Variants in DYSF observed in about 807,000 individuals in gnomAD.
The protein encoded by DYSF is dysferlin, also known as dystrophy-associated fer-1-like 1.
Under a neutral mutation model 274.9 loss-of-function variants are expected in DYSF, and 212 were observed. The ratio of observed to expected loss-of-function variants is 0.77; its 90% CI spans 0.69 to 0.86. The LOEUF is 0.86. DYSF is among the 40% of genes least tolerant of loss of function. DYSF has a pLI of 0.00. For synonymous variants in DYSF, 1,091 were observed against 1,078.7 expected (o/e 1.01, Z -0.22); for missense variants, 2,666 against 2,783.2 (o/e 0.96, Z 0.95).
At chr2:71,522,404 A>T (rs35222481) in intron 12 of DYSF, among the ~76,000 whole-genome samples, 120,705 of 152,058 alleles carry the variant, frequency 0.79, 49,234 homozygotes, top group African/African-American at 0.88. Flanking sequence ...CTGTTGTTAG[A>T]CTGCACCACT....
chr2:71,619,367 T>A (rs995919250), intron 40 of DYSF, among the ~76,000 whole-genome samples: 4 of 152,108 alleles, frequency 2.6e-5, no homozygotes, highest in African/African-American at 9.7e-5. Flanking sequence ...CGTATGCTTC[T>A]GGCTCTGAAC....
intron 3 of DYSF, among the ~76,000 whole-genome samples, chr2:71,502,838 C>T (rs1006674796): frequency 5.9e-5 from 9 of 152,070 alleles, no homozygotes; most frequent in Non-Finnish European, 1.2e-4. Context: ...TCTGCTGGGG[C>T]TCAGGGGCAG....
chr2:71,625,525 C>G (rs1454176326), intron 41 of DYSF, among the ~76,000 whole-genome samples: 1 of 152,068 alleles, frequency 6.6e-6, no homozygotes, highest in Non-Finnish European at 1.5e-5. Flanking sequence ...TTCCATTGGT[C>G]TGTTTGTCTT....
chr2:71,593,125 CTTTTTTT>C (rs35900869), intron 32 of DYSF, among the ~76,000 whole-genome samples: 17 of 85,564 alleles, frequency 2.0e-4, no homozygotes, highest in Admixed American at 9.6e-4. Context: ...TCAGTGACTT[CTTTTTTT>C]TTTTTTTTTT....
chr2:71,489,785 C>A (rs890311984), intron 3 of DYSF, among the ~76,000 whole-genome samples: 3 of 152,076 alleles, frequency 2.0e-5, no homozygotes, highest in African/African-American at 7.2e-5. Flanking sequence ...GCTTGCAGGG[C>A]AGGGGTGGTG....
At position 71,517,031 on chromosome 2, in the gene DYSF, G is replaced by C. The variant is rs2086729770; in HGVS notation, c.994G>C (p.Glu332Gln). The change falls in exon 10 of 56, where the codon GAG becomes CAG. Residue 332 changes from glutamate to glutamine, a missense_variant. Physicochemically the swap from Glu to Gln is conservative, Grantham distance 29. Transcript: ENST00000410020. ...RSLRTDALLG[E>Q]FRMDVGTIYR... ...TCTCAGGACAGATGCTCTCCTCGGG[G>C]AGTTCCGGGTAATTGCTTATTTTCT... is the stretch of plus-strand genomic sequence containing the variant. The C allele has an allele frequency of 1.2e-6, 2 of 1,614,044 alleles. No individual in the cohort carries two copies. Among genetic ancestry groups the C allele is most frequent in the Admixed American group, 1.7e-5 (1 of 60,006 alleles).
At chr2:71,549,301 C>T (rs2090748628) in intron 17 of DYSF, 1 of 1,587,952 alleles carries the variant, frequency 6.3e-7, no homozygotes, top group Non-Finnish European at 8.6e-7. Context: ...ACCCGTCCTT[C>T]TCCCAGCCAT....
At chr2:71,535,355 G>A in intron 16 of DYSF, 44 bp downstream of exon 16, 1 of 1,584,076 alleles carries the variant, frequency 6.3e-7, no homozygotes, top group Non-Finnish European at 8.7e-7. Context: ...CTGTCCTGAG[G>A]GGGCGCTGGG....
chr2:71,517,186 C>A (rs1159734711), intron 10 of DYSF, 147 bp downstream of exon 10: 2 of 799,256 alleles, frequency 2.5e-6, no homozygotes, highest in African/African-American at 1.7e-5. Context: ...AAGCCCTCTG[C>A]ACAGCATCTC....
chr2:71,454,685 C>G (rs1356693535), intron 1 of DYSF, among the ~76,000 whole-genome samples: 1 of 152,228 alleles, frequency 6.6e-6, no homozygotes, highest in Non-Finnish European at 1.5e-5. Flanking sequence ...ACCCCTGCCC[C>G]CAACGGACCA....
rs181019774 is a variant in DYSF at position 71,582,162 on chromosome 2, T to C, written c.3403-7431T>C. On this transcript the variant is annotated intron_variant, in intron 30 of 55. Transcript: ENST00000410020. ...TTTATTGGCACATAGCTGGTACTCA[T>C]TCACCTATGTAGTGCCTGTGGCTGC... Among the ~76,000 whole-genome samples, 13 of 147,126 alleles carry C rather than the reference T, an allele frequency of 8.8e-5. No homozygotes were observed. The East Asian group carries it at 2.1e-3, about 24-fold the overall frequency.
At chr2:71,601,435 C>T (rs977586844) in intron 34 of DYSF, 64 bp from the exon 35 acceptor site, 9 of 1,601,912 alleles carry the variant, frequency 5.6e-6, no homozygotes, top group African/African-American at 5.4e-5. Context: ...CCATGAGTGT[C>T]ATGAGGGTGA....
chr2:71,485,869 A>C (rs539786695), intron 3 of DYSF, among the ~76,000 whole-genome samples: 110 of 152,212 alleles, frequency 7.2e-4, no homozygotes, highest in African/African-American at 2.6e-3. Flanking sequence ...GCTGCAGTGC[A>C]GTGGTACGTT....
chr2:71,539,113 A>G (rs1234536337), intron 16 of DYSF, 44 bp from the exon 17 acceptor site: 2 of 1,569,646 alleles, frequency 1.3e-6, no homozygotes, highest in South Asian at 2.2e-5. Context: ...TGTGGCCTGC[A>G]GTTCCTTTCC....
At chr2:71,507,322 TG>T in intron 4 of DYSF, among the ~76,000 whole-genome samples, 1 of 152,364 alleles carries the variant, frequency 6.6e-6, no homozygotes, top group Admixed American at 6.5e-5. Context: ...TTCAAGTTTT[TG>T]CTTCACTCTC....
chr2:71,578,208 G>T (rs980115739), intron 30 of DYSF, among the ~76,000 whole-genome samples: 1 of 152,198 alleles, frequency 6.6e-6, no homozygotes, highest in African/African-American at 2.4e-5. Flanking sequence ...TGATGCTGAT[G>T]CTGCTGGTCC....
At chr2:71,583,214 G>A (rs1386533274) in intron 30 of DYSF, among the ~76,000 whole-genome samples, 3 of 152,064 alleles carry the variant, frequency 2.0e-5, no homozygotes, top group Non-Finnish European at 2.9e-5. Context: ...ATCTGCTCTC[G>A]TGAACCACAT....
At chr2:71,576,166 A>G (rs2092692824) in intron 30 of DYSF, 1 of 152,518 alleles carries the variant, frequency 6.6e-6, no homozygotes, top group South Asian at 2.1e-4. Flanking sequence ...GGCATGGGCC[A>G]TGCCCCTTCT....
chr2:71,625,684 T>TA (rs201281403), intron 41 of DYSF, among the ~76,000 whole-genome samples: 1,816 of 152,084 alleles, frequency 0.012, 30 homozygotes, highest in African/African-American at 0.042. Flanking sequence ...CTTGTCAACT[T>TA]AAAAAAAAGT....
Sources: gnomAD v4.1 joint callset for allele counts (sites outside exome capture counted in the v4.1 genomes callset) on GRCh38, gnomAD v4.1.1 for gene constraint, MANE v1.5 for transcripts, NCBI Gene and HGNC (gene_info 2026-07-23, HGNC 2026-07-21) for gene names.